Variants in CDH13 observed in about 807,000 individuals in gnomAD.
CDH13 encodes cadherin-13.
In CDH13, 24 loss-of-function variants were observed where a neutral mutation model predicts 63.8. The observed-to-expected ratio is 0.38, with a 90% CI of 0.27 to 0.53. The LOEUF (loss-of-function observed/expected upper bound fraction) is 0.53, where lower values mean the gene tolerates loss of function less well. Among genes scored for constraint, CDH13 ranks in the 20% least tolerant of loss-of-function variants. CDH13 has a pLI of 0.85. For synonymous variants in CDH13, 503 were observed against 355.3 expected (o/e 1.42, Z -4.67); for missense variants, 1,049 against 903.1 (o/e 1.16, Z -2.07).
intron 6 of CDH13, among the ~76,000 whole-genome samples, chr16:83,399,370 C>A (rs1296788494): frequency 6.6e-6 from 1 of 152,188 alleles, no homozygotes; most frequent in East Asian, 1.9e-4. Context: ...GGAGCTAATT[C>A]ATAGAAATCT....
intron 10 of CDH13, among the ~76,000 whole-genome samples, chr16:83,695,384 G>A (rs538928892): frequency 7.2e-5 from 11 of 152,290 alleles, no homozygotes; most frequent in African/African-American, 2.4e-4. Flanking sequence ...AACTTAAATA[G>A]GATCGCAAAT....
chr16:82,763,685 T>A (rs2034940716), intron 1 of CDH13, among the ~76,000 whole-genome samples: 1 of 152,244 alleles, frequency 6.6e-6, no homozygotes, highest in Admixed American at 6.5e-5. Context: ...TTATTTTTAT[T>A]ACTCACGTAT....
chr16:83,771,004 C>T (rs765043538), intron 11 of CDH13, among the ~76,000 whole-genome samples: 1 of 152,110 alleles, frequency 6.6e-6, no homozygotes, highest in Non-Finnish European at 1.5e-5. Context: ...AATGTTAGAG[C>T]ACCTTGGACA....
At chr16:82,754,757 T>C (rs2034548979) in intron 1 of CDH13, among the ~76,000 whole-genome samples, 1 of 152,244 alleles carries the variant, frequency 6.6e-6, no homozygotes, top group South Asian at 2.1e-4. Flanking sequence ...ATCTAGACTT[T>C]TGATAATGAT....
chr16:83,608,583 T>C (rs964730311), intron 8 of CDH13, among the ~76,000 whole-genome samples: 1 of 151,992 alleles, frequency 6.6e-6, no homozygotes, highest in African/African-American at 2.4e-5. Context: ...GCTCCTGGGC[T>C]CAGTCAGTCC....
intron 7 of CDH13, among the ~76,000 whole-genome samples, chr16:83,580,922 G>A (rs565180017): frequency 6.6e-6 from 1 of 152,334 alleles, no homozygotes; most frequent in East Asian, 1.9e-4. Flanking sequence ...GAGCAGAAGA[G>A]CAATACTTAG....
intron 3 of CDH13, among the ~76,000 whole-genome samples, chr16:83,111,046 C>G (rs2035033526): frequency 7.0e-6 from 1 of 143,260 alleles, no homozygotes; most frequent in Non-Finnish European, 1.5e-5. Flanking sequence ...GTGTCGGGTG[C>G]CTGTAGTCCC....
chr16:83,348,806 C>A (rs1370333178), intron 6 of CDH13, among the ~76,000 whole-genome samples: 1 of 152,200 alleles, frequency 6.6e-6, no homozygotes, highest in South Asian at 2.1e-4. Flanking sequence ...TTCAGTGAGA[C>A]AACATGCTTC....
chr16:83,455,566 C>T (rs935976380), intron 6 of CDH13, among the ~76,000 whole-genome samples: 2 of 152,172 alleles, frequency 1.3e-5, no homozygotes, highest in Admixed American at 1.3e-4. Flanking sequence ...CATTGCTACA[C>T]GTGGCTCCTT....
At chr16:83,785,279 C>A (rs1268231924) in intron 13 of CDH13, among the ~76,000 whole-genome samples, 1 of 152,170 alleles carries the variant, frequency 6.6e-6, no homozygotes, top group African/African-American at 2.4e-5. Flanking sequence ...CTGGCAGATT[C>A]ATTGTCTAGT....
intron 11 of CDH13, among the ~76,000 whole-genome samples, chr16:83,769,212 T>C (rs2150996010): frequency 6.6e-6 from 1 of 152,336 alleles, no homozygotes; most frequent in South Asian, 2.1e-4. Context: ...GACTTCCAAC[T>C]GGTGGCTGGA....
In CDH13 at chr16:83,049,971, T is replaced by C. The variant is rs547795267; in HGVS notation, c.366+17753T>C. ...TTTCATTAAGATGATGCTACAAAAA[T>C]AGTAATTGTTAGTAATAATAATGCT... is the stretch of plus-strand genomic sequence containing the variant. On this transcript the variant is annotated intron_variant, in intron 3 of 13. Transcript: ENST00000567109. 3.3e-5 allele frequency among the ~76,000 whole-genome samples: 5 copies of C among 152,326 alleles called. 1 individual carries two copies. In the South Asian group the frequency reaches 1.0e-3, roughly 32 times the overall value.
chr16:83,334,837 A>T (rs1210128825), intron 5 of CDH13, among the ~76,000 whole-genome samples: 1 of 152,220 alleles, frequency 6.6e-6, no homozygotes, highest in Non-Finnish European at 1.5e-5. Context: ...ATATGTAGAT[A>T]GAGTACTCTT....
At chr16:83,163,461 C>T (rs577127991) in intron 4 of CDH13, among the ~76,000 whole-genome samples, 30 of 152,088 alleles carry the variant, frequency 2.0e-4, no homozygotes, top group Non-Finnish European at 3.1e-4. Context: ...TCTTGTAGTG[C>T]TCCAGGCCAG....
intron 8 of CDH13, among the ~76,000 whole-genome samples, chr16:83,643,916 A>G (rs867306292): frequency 3.9e-5 from 6 of 152,336 alleles, no homozygotes; most frequent in Middle Eastern, 6.8e-3. Flanking sequence ...CTCTTCCTCT[A>G]AGTGGGATCC....
intron 5 of CDH13, among the ~76,000 whole-genome samples, chr16:83,289,705 G>C (rs896039961): frequency 4.6e-5 from 7 of 152,074 alleles, no homozygotes; most frequent in Admixed American, 2.0e-4. Flanking sequence ...GCTTGGGCTT[G>C]GGTACGTGGT....
intron 3 of CDH13, among the ~76,000 whole-genome samples, chr16:83,072,782 T>C (rs557984028): frequency 6.6e-6 from 1 of 152,230 alleles, no homozygotes; most frequent in East Asian, 1.9e-4. Flanking sequence ...CTAGTAGAAA[T>C]GTAGAATCCC....
chr16:83,337,621 A>ATTTTTTTTTTTTTTTTTTTTT (rs66957563), intron 5 of CDH13, among the ~76,000 whole-genome samples: 1 of 52,246 alleles, frequency 1.9e-5, no homozygotes, highest in African/African-American at 8.2e-5. Flanking sequence ...TGACAAGCGT[A>ATTTTTTTTTTTTTTTTTTTTT]TTTTTTTTTT....
At chr16:83,262,603 T>G (rs1227309980) in intron 5 of CDH13, among the ~76,000 whole-genome samples, 1 of 152,140 alleles carries the variant, frequency 6.6e-6, no homozygotes, top group South Asian at 2.1e-4. Context: ...TCCCCCTCAT[T>G]TACCTTGGAA....
Sources: allele counts gnomAD v4.1 joint callset (sites outside exome capture counted in the v4.1 genomes callset), GRCh38; gene constraint gnomAD v4.1.1; transcripts MANE v1.5; gene names NCBI Gene and HGNC (gene_info 2026-07-23, HGNC 2026-07-21).